Variants in CHERP observed in about 807,000 individuals in gnomAD.
CHERP encodes the protein ERPROT 213-21.
Under a neutral mutation model 113.8 loss-of-function variants are expected in CHERP, and 8 were observed. The observed-to-expected ratio is 0.07, with a 90% CI of 0.04 to 0.13. The LOEUF (loss-of-function observed/expected upper bound fraction) is 0.13. CHERP is among the 10% of genes least tolerant of loss of function. The pLI is 1.00. For synonymous variants in CHERP, 559 were observed against 524.5 expected, an observed-to-expected ratio of 1.07 and a Z score of -0.90; for missense variants, 884 against 1,298.2, an observed-to-expected ratio of 0.68 and a Z score of 4.90.
chr19:16,528,299 A>G, intron 8 of CHERP, 44 bp from the exon 9 acceptor site: 3 of 1,523,592 alleles, frequency 2.0e-6, no homozygotes, highest in Non-Finnish European at 2.6e-6. Context: ...TGGCAGCAGG[A>G]GGCGCTGTCT....
rs767182551 is a variant in CHERP, at chr19:16,521,609, G to A, written c.2026C>T (p.Leu676Phe). The part of the protein sequence containing the change: ...YKPLDPKDIR[L>F]PPPMPPSERL... ...TCGCTGGGCGGCATGGGGGGTGGGAGGCGGATGTCTTTAGGGTCCAAAGGC... is the reference window on the plus strand; with the variant it reads ...TCGCTGGGCGGCATGGGGGGTGGGAAGCGGATGTCTTTAGGGTCCAAAGGC... The change falls in exon 12 of 17, where the codon CTC (leucine) becomes TTC (phenylalanine). Residue 676 changes from leucine (L) to phenylalanine (F), a missense_variant. Around this residue, in one of 8 missense-constraint regions of CHERP, gnomAD observed 464 missense variants for 590.1 expected, o/e 0.79. Transcript: ENST00000546361. The A allele has an allele frequency of 6.2e-7, 1 of 1,610,038 alleles. No homozygotes were observed. The highest frequency in any genetic ancestry group is 1.1e-5 in the South Asian group (1 of 90,218).
rs1169026484 is a variant in CHERP, at chr19:16,520,721, A to AGGCT, written c.2201+101_2201+104dup. On this transcript the variant is annotated intron_variant, in intron 13 of 16. Transcript: ENST00000546361. This position sits in a 1 kb window ranked among gnomAD's most constrained non-coding sequence, Gnocchi z 4.0. Reference sequence around the variant, plus strand: ...GTGGAAAACACCGCCCCATAGGCACAGGCTGTGTGAGGGTGGACGTGATGA... The same window carrying AGGCT: ...GTGGAAAACACCGCCCCATAGGCACAGGCTGGCTGTGTGAGGGTGGACGTGATGA... The AGGCT allele has an allele frequency of 1.6e-6, 2 of 1,246,392 alleles. No individual in the cohort carries two copies. Among genetic ancestry groups the AGGCT allele is most frequent in the Non-Finnish European group, 2.3e-6 (2 of 856,384 alleles). 77.2% of individuals were successfully genotyped at this position (1,246,392 alleles called of 1,614,324 possible).
At chr19:16,527,271 A>T (rs971315483) in intron 9 of CHERP, among the ~76,000 whole-genome samples, 1 of 152,194 alleles carries the variant, frequency 6.6e-6, no homozygotes, top group African/African-American at 2.4e-5. Flanking sequence ...AGCCACCACC[A>T]TCTGGCTCCT....
chr19:16,521,291 G>A lies in CHERP; in HGVS notation c.2114+230C>T, dbSNP rs958685711. On this transcript the variant is annotated intron_variant, in intron 12 of 16. Coordinates refer to ENST00000546361, the MANE Select transcript of CHERP (RefSeq NM_006387.6). ...GGCAGCCGGCTGCTTGAGACGTGCC[G>A]CCGTGCCACACCTTCCCTAACTTCT... 102 of 573,100 alleles carry A rather than the reference G, an allele frequency of 1.8e-4. 1 individual carries two copies. The East Asian group carries it at 2.4e-3, about 14-fold the overall frequency. The allele number at this position is 573,100 out of a possible 1,614,324, so 35.5% of individuals were successfully genotyped here.
Position 16,532,185 on chromosome 19 carries a change from T to C in CHERP, c.674+413A>G. ...GGAGGGTCCTGATGGCTGAGCAAAG[T>C]CAGGTGACCGCGTGTGTGTGCGTGC... On this transcript the variant is annotated intron_variant, in intron 5 of 16. Coordinates refer to ENST00000546361, the MANE Select transcript of CHERP (RefSeq NM_006387.6). This position sits in a 1 kb window ranked among gnomAD's most constrained non-coding sequence, Gnocchi z 4.4. The C allele has an allele frequency of 5.9e-6, 1 of 169,358 alleles. No homozygotes were observed. The highest frequency in any genetic ancestry group is 1.3e-5 in the Non-Finnish European group (1 of 78,408). 10.5% of individuals were successfully genotyped at this position (169,358 alleles called of 1,614,324 possible). A position where few individuals can be genotyped will look rare whatever the true frequency, so the allele number is the denominator to read the frequency against.
rs374476634 is a variant in CHERP, at chr19:16,519,139, G to A, written c.*20C>T. On this transcript the variant is annotated 3_prime_UTR_variant, in exon 17 of 17. Coordinates refer to ENST00000546361, the MANE Select transcript of CHERP (RefSeq NM_006387.6). This position sits in a 1 kb window ranked among gnomAD's most constrained non-coding sequence, Gnocchi z 6.0. ...ACAGCCGGCACCGCTGGCCACCGGC[G>A]CGGCTCCCGGCATGGGCGCCTACTT... The A allele has an allele frequency of 1.7e-5, 27 of 1,604,546 alleles. No individual in the cohort carries two copies. The highest frequency in any genetic ancestry group is 1.2e-4 in the South Asian group (11 of 90,038).
intron 8 of CHERP, among the ~76,000 whole-genome samples, chr19:16,529,013 C>T (rs564988018): frequency 7.9e-5 from 12 of 152,258 alleles, no homozygotes; most frequent in Admixed American, 3.3e-4. Flanking sequence ...TCAGTATTTC[C>T]GTGTCTTTTT....
rs777799146 is a variant in CHERP at position 16,535,422 on chromosome 19, T to C, written c.384+30A>G. 3 of 1,597,386 alleles carry C rather than the reference T, an allele frequency of 1.9e-6. No homozygotes were observed. The highest frequency in any genetic ancestry group is 1.7e-5 in the Admixed American group (1 of 57,728). On this transcript the variant is annotated intron_variant, in intron 3 of 16. Transcript: ENST00000546361. This position sits in a 1 kb window ranked among gnomAD's most constrained non-coding sequence, Gnocchi z 4.3. The stretch of plus-strand genomic sequence containing the variant: ...AACAGAGGCACAGGGGAGCTGCTGG[T>C]GTCTGGCCGAGGAGGCGGCGGGCCC...
rs1019517564 is a variant in CHERP at position 16,519,573 on chromosome 19, A to G, written c.2557+48T>C. ...GAAAGCGCTGGTGACTCCCGGGCCC[A>G]GCACGCGTGAGGACCCATCCCGCGC... On this transcript the variant is annotated intron_variant, in intron 16 of 16. Coordinates refer to ENST00000546361, the MANE Select transcript of CHERP (RefSeq NM_006387.6). This position sits in a 1 kb window ranked among gnomAD's most constrained non-coding sequence, Gnocchi z 6.0. 3 of 1,517,352 alleles carry G rather than the reference A, an allele frequency of 2.0e-6. No individual in the cohort carries two copies. The highest frequency in any genetic ancestry group is 9.2e-7 in the Non-Finnish European group (1 of 1,092,726). 94.0% of individuals were successfully genotyped at this position (1,517,352 alleles called of 1,614,324 possible).
rs192460408 is a variant in CHERP at position 16,527,238 on chromosome 19, C to A, written c.1305+842G>T. Among the ~76,000 whole-genome samples, 26 of 152,348 alleles carry A rather than the reference C, an allele frequency of 1.7e-4. No individual in the cohort carries two copies. In the East Asian group the frequency reaches 4.6e-3, roughly 27 times the overall value. On this transcript the variant is annotated intron_variant, in intron 9 of 16. Transcript: ENST00000546361. ...AAAACAGGGACAAGAACTGCCCCCC[C>A]CAGCAGAGGGTACCTGCAAAACAGC...
rs530942393 is a variant in CHERP at position 16,535,168 on chromosome 19, C to G, written c.384+284G>C. Among the ~76,000 whole-genome samples the G allele has an allele frequency of 6.6e-6, 1 of 152,342 alleles. No homozygotes were observed. The highest frequency in any genetic ancestry group is 6.5e-5 in the Admixed American group (1 of 15,308). Reference sequence around the variant, plus strand: ...GGCACCAGAGGCTGCCTGGCCACAGCCATTAGGGAGCTTCAAGGTGCATAC... The same window carrying G: ...GGCACCAGAGGCTGCCTGGCCACAGGCATTAGGGAGCTTCAAGGTGCATAC... On this transcript the variant is annotated intron_variant, in intron 3 of 16. Coordinates refer to ENST00000546361, the MANE Select transcript of CHERP (RefSeq NM_006387.6). The surrounding 1 kb of genome is among the most constrained non-coding windows in gnomAD (Gnocchi z 4.3).
In CHERP at chr19:16,519,412, G is replaced by C. The variant is rs367999320; in HGVS notation, c.2558-60C>G. On this transcript the variant is annotated intron_variant, in intron 16 of 16. Coordinates refer to ENST00000546361, the MANE Select transcript of CHERP (RefSeq NM_006387.6). This position sits in a 1 kb window ranked among gnomAD's most constrained non-coding sequence, Gnocchi z 6.0. ...GCGGAGGCAGATGGGGGTGCACGTG[G>C]GGGGCTGAATGTCCAGACAGGCAGT... 3.3e-6 allele frequency: 5 copies of C among 1,534,720 alleles called. No individual in the cohort carries two copies. Among genetic ancestry groups the C allele is most frequent in the African/African-American group, 2.7e-5 (2 of 73,010 alleles).
rs990785729 is a variant in CHERP at position 16,535,343 on chromosome 19, G to C, written c.384+109C>G. 14 of 1,212,368 alleles carry C rather than the reference G, an allele frequency of 1.2e-5. No individual in the cohort carries two copies. The highest frequency in any genetic ancestry group is 2.1e-5 in the Admixed American group (1 of 46,818). The allele number at this position is 1,212,368 out of a possible 1,614,324, so 75.1% of individuals were successfully genotyped here. A position where few individuals can be genotyped will look rare whatever the true frequency, so the allele number is the denominator to read the frequency against. On this transcript the variant is annotated intron_variant, in intron 3 of 16. Transcript: ENST00000546361. This position sits in a 1 kb window ranked among gnomAD's most constrained non-coding sequence, Gnocchi z 4.3. The stretch of plus-strand genomic sequence containing the variant: ...ACATGCACCGAGCCCTGGGTGGCAG[G>C]GGGGGCCCTGTCCTCACTGACACCT...
intron 2 of CHERP, among the ~76,000 whole-genome samples, chr19:16,536,711 C>G (rs2085743575): frequency 6.6e-6 from 1 of 152,240 alleles, no homozygotes; most frequent in African/African-American, 2.4e-5. Context: ...ACCCGTCCCT[C>G]CCCAGCAGCA....
rs1035266504 is a variant in CHERP, at chr19:16,542,170, T to G, written c.26-127A>C. On this transcript the variant is annotated intron_variant, in intron 1 of 16. Coordinates refer to ENST00000546361, the MANE Select transcript of CHERP (RefSeq NM_006387.6). ...GGGGTGGGCCCCGAAGAGGCCGCCC[T>G]TGTACGGGTCCCGATAGGGGCCACA... 2.5e-6 allele frequency: 3 copies of G among 1,187,436 alleles called. No homozygotes were observed. In the African/African-American group the frequency reaches 4.7e-5, roughly 19 times the overall value. 73.6% of individuals were successfully genotyped at this position (1,187,436 alleles called of 1,614,324 possible). A position where few individuals can be genotyped will look rare whatever the true frequency, so the allele number is the denominator to read the frequency against.
rs1392809180 is a variant in CHERP at position 16,532,530 on chromosome 19, G to A, written c.674+68C>T. ...AGCCAAGCTACCGACCGGAGCAAGC[G>A]GCCACCCAGGAGGGTTGAGGAGGAG... On this transcript the variant is annotated intron_variant, in intron 5 of 16. Transcript: ENST00000546361. This position sits in a 1 kb window ranked among gnomAD's most constrained non-coding sequence, Gnocchi z 4.4. 3.5e-5 allele frequency: 52 copies of A among 1,477,238 alleles called. No homozygotes were observed. Among genetic ancestry groups the A allele is most frequent in the Non-Finnish European group, 4.2e-5 (47 of 1,110,346 alleles). The allele number at this position is 1,477,238 out of a possible 1,614,324, so 91.5% of individuals were successfully genotyped here. A position where few individuals can be genotyped will look rare whatever the true frequency, so the allele number is the denominator to read the frequency against.
intron 11 of CHERP, among the ~76,000 whole-genome samples, chr19:16,522,842 G>A (rs1279172353): frequency 6.6e-6 from 1 of 152,140 alleles, no homozygotes; most frequent in Admixed American, 6.5e-5. Flanking sequence ...AGGGATAGGA[G>A]GGGCAGGGCA....
chr19:16,519,517 CTCCA>C lies in CHERP; in HGVS notation c.2557+100_2557+103del. On this transcript the variant is annotated intron_variant, in intron 16 of 16. Transcript: ENST00000546361. The surrounding 1 kb of genome is among the most constrained non-coding windows in gnomAD (Gnocchi z 6.0). The stretch of plus-strand genomic sequence containing the variant: ...CTGGGTGGAGTCAGAACCGGCCTGA[CTCCA>C]TCCATCCCCACATGCACTGAGGAAG... 1 of 1,288,816 alleles carries C rather than the reference CTCCA, an allele frequency of 7.8e-7. No homozygotes were observed. Among genetic ancestry groups the C allele is most frequent in the Non-Finnish European group, 1.1e-6 (1 of 894,374 alleles). The allele number at this position is 1,288,816 out of a possible 1,614,324, so 79.8% of individuals were successfully genotyped here. A position where few individuals can be genotyped will look rare whatever the true frequency, so the allele number is the denominator to read the frequency against.
At chr19:16,536,827 C>T (rs1266399645) in intron 2 of CHERP, among the ~76,000 whole-genome samples, 1 of 152,132 alleles carries the variant, frequency 6.6e-6, no homozygotes, top group Non-Finnish European at 1.5e-5. Flanking sequence ...ACCAGCCTGG[C>T]CAACATGGCC....
Sources: gnomAD v4.1 joint callset for allele counts (sites outside exome capture counted in the v4.1 genomes callset) on GRCh38, gnomAD v4.1.1 for gene constraint, gnomAD v4.1.1 regional missense constraint, Gnocchi (gnomAD v3.1) non-coding constraint, MANE v1.5 for transcripts, NCBI Gene and HGNC (gene_info 2026-07-23, HGNC 2026-07-21) for gene names.